SKOR2: variants seen among roughly 807,000 people sequenced by gnomAD.
SKOR2 encodes the protein LBX1 corepressor 1-like protein.
Under a neutral mutation model 69.1 loss-of-function variants are expected in SKOR2, and 47 were observed. That is an observed-to-expected ratio of 0.68 (90% CI 0.54 to 0.87). The LOEUF is 0.87. SKOR2 is among the 40% of genes least tolerant of loss of function. The probability of loss-of-function intolerance (pLI) is 0.00; values close to 1 mark genes in which losing one functional copy is unlikely to be tolerated. For synonymous variants in SKOR2, 717 were observed against 672.6 expected, an observed-to-expected ratio of 1.07 and a Z score of -1.02; for missense variants, 1,404 against 1,472.2, an observed-to-expected ratio of 0.95 and a Z score of 0.76.
rs2064287951 is a variant in SKOR2 at position 47,247,816 on chromosome 18, G to A, written c.1368C>T (p.Pro456=). The A allele has an allele frequency of 5.7e-6, 8 of 1,395,740 alleles. No homozygotes were observed. The highest frequency in any genetic ancestry group is 3.4e-5 in the Admixed American group (1 of 29,596). The allele number at this position is 1,395,740 out of a possible 1,614,324, so 86.5% of individuals were successfully genotyped here. A position where few individuals can be genotyped will look rare whatever the true frequency, so the allele number is the denominator to read the frequency against. ...PKAGLSGLFW[P]AGRKDAFYPP... ...GATAGAAGGCGTCCTTGCGGCCCGC[G>A]GGCCAGAAGAGGCCGGACAAGCCGG... The change falls in exon 2 of 9, where the codon CCC becomes CCT. Residue 456 remains proline (P), a synonymous_variant. Coordinates refer to ENST00000425639, the MANE Select transcript of SKOR2 (RefSeq NM_001278063.4). The surrounding 1 kb of genome is among the most constrained non-coding windows in gnomAD (Gnocchi z 6.6).
intron 7 of SKOR2, among the ~76,000 whole-genome samples, chr18:47,213,959 T>C (rs570249105): frequency 6.6e-6 from 1 of 152,328 alleles, no homozygotes; most frequent in East Asian, 1.9e-4. Context: ...ATGCATGACA[T>C]GACAGAGCCT....
intron 7 of SKOR2, among the ~76,000 whole-genome samples, chr18:47,215,789 A>G (rs1421159969): frequency 2.6e-5 from 4 of 152,166 alleles, no homozygotes; most frequent in Admixed American, 1.3e-4. Flanking sequence ...TGTGGTAGTG[A>G]TCTGACAAGT....
chr18:47,224,632 T>TG (rs2144489694), intron 6 of SKOR2, among the ~76,000 whole-genome samples: 1 of 151,878 alleles, frequency 6.6e-6, no homozygotes, highest in Admixed American at 6.6e-5. Flanking sequence ...TTTTTTTTTT[T>TG]GAGACAGGGT....
intron 2 of SKOR2, 144 bp from the exon 3 acceptor site, chr18:47,245,705 AC>A (rs1181973691): frequency 3.0e-6 from 2 of 660,378 alleles, no homozygotes; most frequent in Non-Finnish European, 4.8e-6. Flanking sequence ...TTCTTTGAAT[AC>A]TTTTTTACTT....
intron 4 of SKOR2, among the ~76,000 whole-genome samples, chr18:47,237,341 AC>A (rs2144503631): frequency 6.6e-6 from 1 of 152,368 alleles, no homozygotes; most frequent in South Asian, 2.1e-4. Flanking sequence ...TTTAACCATG[AC>A]CTGAAAATAT....
chr18:47,249,084 C>T lies in SKOR2; in HGVS notation c.100G>A (p.Ala34Thr), dbSNP rs1449532643. 3 of 1,536,452 alleles carry T rather than the reference C, an allele frequency of 2.0e-6. No homozygotes were observed. Among genetic ancestry groups the T allele is most frequent in the East Asian group, 2.4e-5 (1 of 40,914 alleles). ...DTLSQPRPGH[A>T]NLKPNQVGQV... ...CCCACCTGGTTGGGTTTGAGGTTGG[C>T]GTGCCCTGGCCGCGGCTGGCTCAGC... The change falls in exon 2 of 9, where the codon GCC (alanine) becomes ACC (threonine). Residue 34 changes from alanine to threonine, a missense_variant. Ala to Thr is a moderately conservative substitution (Grantham distance 58). This residue lies in a region of SKOR2 where 104 missense variants were observed against 95.7 expected (regional missense o/e 1.09). Transcript: ENST00000425639.
At chr18:47,235,131 G>A (rs1316553361) in intron 4 of SKOR2, among the ~76,000 whole-genome samples, 1 of 152,026 alleles carries the variant, frequency 6.6e-6, no homozygotes, top group East Asian at 1.9e-4. Context: ...CTGGGAGGCC[G>A]AGGGAGAGTG....
At chr18:47,235,643 C>T (rs896379546) in intron 4 of SKOR2, among the ~76,000 whole-genome samples, 2 of 152,086 alleles carry the variant, frequency 1.3e-5, no homozygotes, top group African/African-American at 4.8e-5. Flanking sequence ...TTCCAACCCA[C>T]TCTTGGTTCT....
At position 47,231,011 on chromosome 18, in the gene SKOR2, A is replaced by G. The variant is rs1568086685; in HGVS notation, c.2753-11T>C. Reference sequence around the variant, plus strand: ...CTTGTGTATGTTCACCTTTTAAAAAAGCAGGAAAAATACTATTAGTTTTGT... The same window carrying G: ...CTTGTGTATGTTCACCTTTTAAAAAGGCAGGAAAAATACTATTAGTTTTGT... On this transcript the variant is annotated splice_polypyrimidine_tract_variant and intron_variant, in intron 4 of 8. Transcript: ENST00000425639. The G allele has an allele frequency of 5.9e-6, 9 of 1,536,054 alleles. No individual in the cohort carries two copies. Among genetic ancestry groups the G allele is most frequent in the Non-Finnish European group, 7.0e-6 (8 of 1,146,868 alleles).
At chr18:47,249,943 G>A (rs900798206) in intron 1 of SKOR2, among the ~76,000 whole-genome samples, 3 of 152,218 alleles carry the variant, frequency 2.0e-5, no homozygotes, top group Non-Finnish European at 4.4e-5. Context: ...GCTGAACTGA[G>A]TGGTTCTGGT....
chr18:47,235,130 C>T (rs74997811), intron 4 of SKOR2, among the ~76,000 whole-genome samples: 51 of 151,906 alleles, frequency 3.4e-4, no homozygotes, highest in Admixed American at 3.9e-4. Context: ...TCTGGGAGGC[C>T]GAGGGAGAGT....
rs139763846 is a variant in SKOR2 at position 47,211,529 on chromosome 18, T to G, written c.*3+557A>C. On this transcript the variant is annotated intron_variant, in intron 8 of 8. Coordinates refer to ENST00000425639, the MANE Select transcript of SKOR2 (RefSeq NM_001278063.4). ...TTAAGAGTCCAAAATAATTGTCTTT[T>G]CAATTTTCTTTTAAACTGATATGAC... Among the ~76,000 whole-genome samples, 1,163 of 152,346 alleles carry G rather than the reference T, an allele frequency of 7.6e-3. 8 individuals are homozygous for G. Among genetic ancestry groups the G allele is most frequent in the Non-Finnish European group, 0.011 (744 of 68,028 alleles).
intron 7 of SKOR2, among the ~76,000 whole-genome samples, chr18:47,219,368 C>T (rs1251208706): frequency 6.6e-6 from 1 of 150,586 alleles, no homozygotes; most frequent in Non-Finnish European, 1.5e-5. Context: ...CAAAACAAAA[C>T]CACTACATTT....
intron 1 of SKOR2, among the ~76,000 whole-genome samples, chr18:47,249,465 T>C (rs1476473571): frequency 6.6e-6 from 1 of 152,276 alleles, no homozygotes; most frequent in Non-Finnish European, 1.5e-5. Flanking sequence ...GAATTAACTA[T>C]GTATTTTCCT....
At chr18:47,245,640 G>T in intron 2 of SKOR2, 79 bp from the exon 3 acceptor site, 1 of 1,354,684 alleles carries the variant, frequency 7.4e-7, no homozygotes, top group Non-Finnish European at 9.8e-7. Context: ...GCAGGAAGAA[G>T]CATCAATAAA....
intron 7 of SKOR2, among the ~76,000 whole-genome samples, chr18:47,215,612 C>T (rs143946536): frequency 4.2e-4 from 64 of 152,240 alleles, no homozygotes; most frequent in African/African-American, 1.5e-3. Context: ...ACAAGTCCAC[C>T]GTGAACAAAA....
intron 4 of SKOR2, among the ~76,000 whole-genome samples, chr18:47,234,165 G>A (rs144056024): frequency 0.011 from 1,706 of 152,076 alleles, 21 homozygotes; most frequent in African/African-American, 0.039. Flanking sequence ...TTACTAATCT[G>A]TGAAAACCAG....
intron 6 of SKOR2, among the ~76,000 whole-genome samples, chr18:47,222,880 G>A (rs1468065705): frequency 3.9e-5 from 6 of 152,224 alleles, no homozygotes; most frequent in Non-Finnish European, 7.4e-5. Context: ...TTCTATGATA[G>A]TACACTTAAT....
At chr18:47,242,872 T>C (rs1351796046) in intron 4 of SKOR2, among the ~76,000 whole-genome samples, 1 of 152,188 alleles carries the variant, frequency 6.6e-6, no homozygotes, top group Non-Finnish European at 1.5e-5. Flanking sequence ...CTCTAAAGCT[T>C]GTCTTAATAC....
Sources: gnomAD v4.1 joint callset for allele counts (sites outside exome capture counted in the v4.1 genomes callset) on GRCh38, gnomAD v4.1.1 for gene constraint, gnomAD v4.1.1 regional missense constraint, Gnocchi (gnomAD v3.1) non-coding constraint, MANE v1.5 for transcripts, NCBI Gene and HGNC (gene_info 2026-07-23, HGNC 2026-07-21) for gene names.